GLIS3: variants seen among roughly 807,000 people sequenced by gnomAD.
GLIS3 encodes the protein GLIS family zinc finger 3.
A neutral mutation model predicts 78.6 loss-of-function variants in GLIS3; 53 were observed. That is an observed-to-expected ratio of 0.67 (90% CI 0.54 to 0.85). The LOEUF (loss-of-function observed/expected upper bound fraction) is 0.85, where lower values mean the gene tolerates loss of function less well. Ranked by LOEUF, GLIS3 falls within the 40% of genes least tolerant of loss-of-function variation. The pLI, the probability that GLIS3 is intolerant of heterozygous loss-of-function variation, is 0.00. For missense variants in GLIS3, 1,703 were observed against 1,231.1 expected, an observed-to-expected ratio of 1.38 and a Z score of -5.74; for synonymous variants, 684 against 509.9, an observed-to-expected ratio of 1.34 and a Z score of -4.60.
chr9:3,846,525 G>T (rs1357098121), intron 9 of GLIS3, among the ~76,000 whole-genome samples: 3 of 152,208 alleles, frequency 2.0e-5, no homozygotes, highest in Non-Finnish European at 4.4e-5. Flanking sequence ...TGAAACAGGG[G>T]TGTCAGTATC....
chr9:4,091,253 G>C (rs1829475196), intron 4 of GLIS3, among the ~76,000 whole-genome samples: 1 of 151,982 alleles, frequency 6.6e-6, no homozygotes, highest in Non-Finnish European at 1.5e-5. Context: ...TGTAGTCCCA[G>C]CTACTTGGGG....
intron 2 of GLIS3, among the ~76,000 whole-genome samples, chr9:4,232,446 T>A (rs1459692619): frequency 1.3e-5 from 2 of 150,716 alleles, no homozygotes; most frequent in Admixed American, 6.6e-5. Flanking sequence ...AGAAGACACC[T>A]ACCTTTAGCA....
chr9:4,299,784 C>T lies in GLIS3; in HGVS notation c.-462G>A, dbSNP rs1816956494. The T allele has an allele frequency of 6.6e-6, 1 of 152,414 alleles. No individual in the cohort carries two copies. The highest frequency in any genetic ancestry group is 1.5e-5 in the Non-Finnish European group (1 of 68,214). 9.4% of individuals were successfully genotyped at this position (152,414 alleles called of 1,614,324 possible). On this transcript the variant is annotated 5_prime_UTR_variant, in exon 1 of 11. Transcript: ENST00000381971. The stretch of plus-strand genomic sequence containing the variant: ...GTTCAGTTGCGACTTTGTGCCTCGC[C>T]TGTCCTGTTCATCCTCGTCCTGGGC...
intron 7 of GLIS3, among the ~76,000 whole-genome samples, chr9:3,891,528 T>C (rs1179989260): frequency 1.3e-5 from 2 of 152,140 alleles, no homozygotes; most frequent in Non-Finnish European, 2.9e-5. Context: ...ACCTTGTCTC[T>C]ACACAAAATA....
chr9:3,911,069 A>G (rs1427828996), intron 6 of GLIS3, among the ~76,000 whole-genome samples: 1 of 152,168 alleles, frequency 6.6e-6, no homozygotes, highest in African/African-American at 2.4e-5. Context: ...CTAAATAGTT[A>G]ATAGCTTTTT....
the GLIS3 span, among the ~76,000 whole-genome samples, chr9:4,447,557 G>A: frequency 6.6e-6 from 1 of 152,108 alleles, no homozygotes; most frequent in South Asian, 2.1e-4. Flanking sequence ...GTCCCAAGCA[G>A]AATCTCAGTT....
chr9:4,342,496 C>T (rs1817849163), intron 2 of GLIS3, among the ~76,000 whole-genome samples: 1 of 152,100 alleles, frequency 6.6e-6, no homozygotes, highest in Admixed American at 6.5e-5. Flanking sequence ...TTACTGCGGT[C>T]TTGTAGTATA....
At chr9:4,143,863 C>T (rs1260151092) in intron 2 of GLIS3, among the ~76,000 whole-genome samples, 1 of 152,210 alleles carries the variant, frequency 6.6e-6, no homozygotes, top group African/African-American at 2.4e-5. Flanking sequence ...TTCTATCAAG[C>T]ACACTGAACT....
At chr9:4,373,430 A>G in the GLIS3 span, among the ~76,000 whole-genome samples, 5 of 152,128 alleles carry the variant, frequency 3.3e-5, no homozygotes, top group African/African-American at 1.2e-4. Context: ...TCCTTTCCAC[A>G]TGGTTCTGAT....
chr9:4,337,947 C>T (rs1164758630), intron 2 of GLIS3, among the ~76,000 whole-genome samples: 1 of 151,884 alleles, frequency 6.6e-6, no homozygotes. Context: ...TGTGACCAAG[C>T]AGGAGCTAGG....
chr9:4,297,990 T>C (rs1248323664), intron 1 of GLIS3, among the ~76,000 whole-genome samples: 2 of 152,084 alleles, frequency 1.3e-5, no homozygotes, highest in African/African-American at 4.8e-5. Context: ...TACGCGCGGC[T>C]GCGACCCCGT....
At chr9:4,288,328 C>T (rs1250761396) in intron 1 of GLIS3, among the ~76,000 whole-genome samples, 5 of 152,034 alleles carry the variant, frequency 3.3e-5, no homozygotes, top group Admixed American at 6.6e-5. Context: ...AACCCACCCC[C>T]CGCCAAAAAA....
At chr9:4,446,749 G>A in the GLIS3 span, among the ~76,000 whole-genome samples, 12 of 151,140 alleles carry the variant, frequency 7.9e-5, no homozygotes, top group African/African-American at 2.4e-4. Context: ...TCCTGAACTC[G>A]GGTGACCTGC....
At chr9:4,266,908 G>C (rs1826063501) in intron 2 of GLIS3, among the ~76,000 whole-genome samples, 1 of 152,092 alleles carries the variant, frequency 6.6e-6, no homozygotes, top group East Asian at 1.9e-4. Flanking sequence ...AATCCATTTT[G>C]ACTCTAAATA....
chr9:4,261,379 G>T (rs570701920), intron 2 of GLIS3, among the ~76,000 whole-genome samples: 1 of 152,170 alleles, frequency 6.6e-6, no homozygotes, highest in Non-Finnish European at 1.5e-5. Context: ...GGAAGAAAGG[G>T]AGACAGGGGA....
upstream of GLIS3, among the ~76,000 whole-genome samples, chr9:4,300,075 G>T (rs1035353770): frequency 3.3e-5 from 5 of 151,536 alleles, no homozygotes; most frequent in South Asian, 2.1e-4. Flanking sequence ...GTGTGCGGCC[G>T]CGAGGGCCGG....
intron 4 of GLIS3, among the ~76,000 whole-genome samples, chr9:4,109,896 C>G (rs1042972741): frequency 2.6e-5 from 4 of 152,158 alleles, no homozygotes; most frequent in Admixed American, 6.5e-5. Flanking sequence ...TTACTGTCTT[C>G]TTTCAGGATG....
At chr9:3,978,597 G>C (rs1818973373) in intron 4 of GLIS3, among the ~76,000 whole-genome samples, 1 of 151,578 alleles carries the variant, frequency 6.6e-6, no homozygotes, top group South Asian at 2.1e-4. Flanking sequence ...GATAATCTCA[G>C]ATTATTTTGC....
At position 4,113,442 on chromosome 9, in the gene GLIS3, T is replaced by G. The variant is rs536743017; in HGVS notation, c.1710+4326A>C. On this transcript the variant is annotated intron_variant, in intron 4 of 10. Transcript: ENST00000381971. ...CCAAAGTGGTTACACCAATTTAGTC[T>G]CTCCAACAACGTTAAAGGGTATCCA... 2.0e-5 allele frequency among the ~76,000 whole-genome samples: 3 copies of G among 152,300 alleles called. No individual in the cohort carries two copies. In the East Asian group the frequency reaches 5.8e-4, roughly 29 times the overall value.
Sources: gnomAD v4.1 joint callset for allele counts (sites outside exome capture counted in the v4.1 genomes callset) on GRCh38, gnomAD v4.1.1 for gene constraint, MANE v1.5 for transcripts, NCBI Gene and HGNC (gene_info 2026-07-23, HGNC 2026-07-21) for gene names.